Variants in RIGI observed in about 807,000 individuals in gnomAD.
The protein encoded by RIGI is antiviral innate immune response receptor RIG-I.
chr9:32,464,857 C>T, the RIGI span, among the ~76,000 whole-genome samples: 36 of 152,298 alleles, frequency 2.4e-4, no homozygotes, highest in Non-Finnish European at 4.1e-4. Flanking sequence ...GTAAGTGTTA[C>T]GGGAACCCCA....
chr9:32,517,914 G>A, the RIGI span, among the ~76,000 whole-genome samples: 1 of 152,094 alleles, frequency 6.6e-6, no homozygotes, highest in Non-Finnish European at 1.5e-5. Context: ...TGGCATAATC[G>A]GAAATATAAT....
At chr9:32,472,912 TAC>T in the RIGI span, 1,200 of 1,047,460 alleles carry the variant, frequency 1.1e-3, no homozygotes, top group Non-Finnish European at 1.3e-3. Flanking sequence ...CACATATACA[TAC>T]ACACACACAC....
chr9:32,488,963 G>T, the RIGI span: 1 of 1,302,426 alleles, frequency 7.7e-7, no homozygotes, highest in Non-Finnish European at 1.0e-6. Flanking sequence ...TTTATTTTTG[G>T]CTCTTCTAAT....
At chr9:32,518,967 C>A in the RIGI span, among the ~76,000 whole-genome samples, 1 of 152,292 alleles carries the variant, frequency 6.6e-6, no homozygotes, top group South Asian at 2.1e-4. Flanking sequence ...ATCTTGGCCT[C>A]CCAAAGTGCT....
the RIGI span, chr9:32,455,856 A>G: frequency 6.6e-6 from 1 of 152,212 alleles, no homozygotes; most frequent in Admixed American, 6.5e-5. Context: ...TCCTTGTTTT[A>G]CAGATGAAGA....
chr9:32,513,829 T>C, the RIGI span, among the ~76,000 whole-genome samples: 1 of 152,188 alleles, frequency 6.6e-6, no homozygotes, highest in African/African-American at 2.4e-5. Context: ...AATCTATCCA[T>C]CTGACAAAGG....
the RIGI span, among the ~76,000 whole-genome samples, chr9:32,495,438 C>T: frequency 4.6e-5 from 7 of 151,232 alleles, no homozygotes; most frequent in African/African-American, 1.5e-4. Flanking sequence ...CCTGACCTCA[C>T]GATCCACCCG....
At chr9:32,487,713 C>G in the RIGI span, 1 of 1,532,820 alleles carries the variant, frequency 6.5e-7, no homozygotes, top group Non-Finnish European at 8.8e-7. Flanking sequence ...CTCTTTCCTG[C>G]TGGGGTAGGG....
At chr9:32,479,847 A>C in the RIGI span, among the ~76,000 whole-genome samples, 9 of 152,010 alleles carry the variant, frequency 5.9e-5, no homozygotes, top group African/African-American at 1.9e-4. Flanking sequence ...AAAAAAAAAA[A>C]AAAAGTATAC....
chr9:32,499,367 G>T, the RIGI span, among the ~76,000 whole-genome samples: 1 of 114,574 alleles, frequency 8.7e-6, no homozygotes, highest in Non-Finnish European at 1.7e-5. Context: ...TGATAAACAT[G>T]ATGTAAGGAA....
chr9:32,487,801 A>G, the RIGI span: 1 of 1,279,532 alleles, frequency 7.8e-7, no homozygotes, highest in African/African-American at 1.5e-5. Context: ...GAACAAATGA[A>G]TAAAGGAAAC....
chr9:32,457,531 G>A, the RIGI span: 166,869 of 911,234 alleles, frequency 0.18, 17,409 homozygotes, highest in South Asian at 0.29. Context: ...CAAAGAACAG[G>A]TGGGTCTCAC....
chr9:32,507,673 T>C, the RIGI span, among the ~76,000 whole-genome samples: 1 of 151,940 alleles, frequency 6.6e-6, no homozygotes, highest in Non-Finnish European at 1.5e-5. Context: ...TGAGACAGGG[T>C]CTTGTTCCAT....
At chr9:32,515,294 G>T in the RIGI span, among the ~76,000 whole-genome samples, 1 of 144,180 alleles carries the variant, frequency 6.9e-6, no homozygotes, top group Non-Finnish European at 1.5e-5. Flanking sequence ...CTCCAGCCTG[G>T]GTGACAGAGC....
the RIGI span, among the ~76,000 whole-genome samples, chr9:32,516,230 C>T: frequency 6.6e-6 from 1 of 152,162 alleles, no homozygotes; most frequent in Non-Finnish European, 1.5e-5. Flanking sequence ...CACACAGTTA[C>T]ATTTCTTCCC....
the RIGI span, among the ~76,000 whole-genome samples, chr9:32,515,480 C>T: frequency 6.6e-6 from 1 of 151,986 alleles, no homozygotes; most frequent in Non-Finnish European, 1.5e-5. Context: ...CTATTTTTTC[C>T]ATTTATCTTT....
chr9:32,461,808 G>C, the RIGI span, among the ~76,000 whole-genome samples: 553 of 152,082 alleles, frequency 3.6e-3, 4 homozygotes, highest in African/African-American at 0.012. Context: ...TATTTTTCTA[G>C]AAATATAGCT....
chr9:32,488,080 C>T, the RIGI span: 40 of 1,614,016 alleles, frequency 2.5e-5, no homozygotes, highest in African/African-American at 3.1e-4. Context: ...GTGATGGAAT[C>T]GTTCCCTTTT....
the RIGI span, chr9:32,488,349 C>T: frequency 2.2e-5 from 17 of 781,272 alleles, no homozygotes; most frequent in South Asian, 2.7e-4. Flanking sequence ...AGCACAGAGC[C>T]TGACACATAG....
Sources: allele counts gnomAD v4.1 joint callset (sites outside exome capture counted in the v4.1 genomes callset), GRCh38; gene constraint gnomAD v4.1.1; transcripts MANE v1.5; gene names NCBI Gene and HGNC (gene_info 2026-07-23, HGNC 2026-07-21).